The following RANBP2 variants were observed in gnomAD, a reference collection of about 807,000 sequenced individuals.
RANBP2 encodes RAN binding protein 2.
Under a neutral mutation model 303.6 loss-of-function variants are expected in RANBP2, and 57 were observed. The observed-to-expected ratio is 0.19, with a 90% CI of 0.15 to 0.23. The LOEUF (loss-of-function observed/expected upper bound fraction) is 0.23. Ranked by LOEUF, RANBP2 falls within the 10% of genes least tolerant of loss-of-function variation. The pLI, the probability that RANBP2 is intolerant of heterozygous loss-of-function variation, is 1.00. For missense variants in RANBP2, 3,138 were observed against 3,780.8 expected, an observed-to-expected ratio of 0.83 and a Z score of 4.46; for synonymous variants, 1,167 against 1,301.5, an observed-to-expected ratio of 0.90 and a Z score of 2.23.
chr2:109,527,100 A>T, the RANBP2 span, among the ~76,000 whole-genome samples: 1 of 152,188 alleles, frequency 6.6e-6, no homozygotes, highest in Non-Finnish European at 1.5e-5. Flanking sequence ...ATGACCCTAC[A>T]CACACACACG....
the RANBP2 span, among the ~76,000 whole-genome samples, chr2:109,304,440 G>A: frequency 0.32 from 48,046 of 151,704 alleles, 9,522 homozygotes; most frequent in African/African-American, 0.57. Context: ...TTAAGGCTGA[G>A]TTGCCCCACG....
chr2:108,992,741 G>T, the RANBP2 span, among the ~76,000 whole-genome samples: 1 of 152,184 alleles, frequency 6.6e-6, no homozygotes, highest in Non-Finnish European at 1.5e-5. Flanking sequence ...AATGATCACA[G>T]TTCTGTCTAT....
chr2:108,979,509 C>T, the RANBP2 span, among the ~76,000 whole-genome samples: 6 of 151,570 alleles, frequency 4.0e-5, no homozygotes, highest in East Asian at 3.9e-4. Context: ...ACGCATGGCA[C>T]ACCCCAGGAG....
chr2:109,405,521 T>C, the RANBP2 span, among the ~76,000 whole-genome samples: 1 of 152,246 alleles, frequency 6.6e-6, no homozygotes, highest in Non-Finnish European at 1.5e-5. Flanking sequence ...CTGGCCCTGG[T>C]CCATTTCTCC....
the RANBP2 span, among the ~76,000 whole-genome samples, chr2:108,963,219 C>T: frequency 1.4e-4 from 22 of 152,154 alleles, no homozygotes; most frequent in Non-Finnish European, 2.2e-4. Flanking sequence ...ATGATGTATT[C>T]TTATCTGAAA....
At chr2:109,531,761 G>A in the RANBP2 span, among the ~76,000 whole-genome samples, 130,669 of 151,936 alleles carry the variant, frequency 0.86, 56,743 homozygotes, top group East Asian at 0.95. Flanking sequence ...AAAGACATCA[G>A]TGCATAAATA....
rs948957560 is a variant in RANBP2, at chr2:108,748,814, A to T, written c.1064-106A>T. ...TATTTTTTGGGTTGGAGGGTTAGGT[A>T]TGCAGTAATCATGTTATTTCCCCTT... On this transcript the variant is annotated intron_variant, in intron 8 of 28. Coordinates refer to ENST00000283195, the MANE Select transcript of RANBP2 (RefSeq NM_006267.5). 8 of 1,605,360 alleles carry T rather than the reference A, an allele frequency of 5.0e-6. No individual in the cohort carries two copies. The Admixed American group carries it at 5.0e-5, about 10-fold the overall frequency.
chr2:109,072,391 A>G, the RANBP2 span, among the ~76,000 whole-genome samples: 1 of 152,302 alleles, frequency 6.6e-6, no homozygotes, highest in South Asian at 2.1e-4. Context: ...GCTTTCCTGC[A>G]TGGGCCCTCA....
chr2:109,267,786 G>A, the RANBP2 span, among the ~76,000 whole-genome samples: 3 of 152,242 alleles, frequency 2.0e-5, no homozygotes, highest in Non-Finnish European at 4.4e-5. Flanking sequence ...CCTGGAGCGA[G>A]GCCGAGTCAA....
At chr2:108,853,854 A>G in the RANBP2 span, among the ~76,000 whole-genome samples, 1 of 127,876 alleles carries the variant, frequency 7.8e-6, no homozygotes, top group African/African-American at 3.0e-5. Flanking sequence ...TATATATACT[A>G]TATATATAAT....
the RANBP2 span, among the ~76,000 whole-genome samples, chr2:109,225,058 C>T: frequency 2.0e-5 from 3 of 152,090 alleles, no homozygotes; most frequent in Admixed American, 6.5e-5. Flanking sequence ...AGCTTTTTGA[C>T]ACCTGGCCTG....
chr2:109,130,296 G>C, the RANBP2 span, among the ~76,000 whole-genome samples: 2 of 152,206 alleles, frequency 1.3e-5, no homozygotes, highest in African/African-American at 2.4e-5. Flanking sequence ...TGGGCAGCTC[G>C]CCGCTTGTTC....
the RANBP2 span, among the ~76,000 whole-genome samples, chr2:109,222,915 G>A: frequency 1.3e-5 from 2 of 152,272 alleles, no homozygotes; most frequent in Non-Finnish European, 2.9e-5. Context: ...GACTCAGCCA[G>A]CTGTGAGAGG....
At chr2:109,159,441 C>T in the RANBP2 span, among the ~76,000 whole-genome samples, 1 of 152,216 alleles carries the variant, frequency 6.6e-6, no homozygotes, top group Non-Finnish European at 1.5e-5. Flanking sequence ...AGGCCTCCTG[C>T]ATTACTGTGG....
chr2:109,298,204 A>T, the RANBP2 span, among the ~76,000 whole-genome samples: 1 of 152,236 alleles, frequency 6.6e-6, no homozygotes, highest in South Asian at 2.1e-4. Flanking sequence ...CACCAAATAG[A>T]TGCAGAGAAG....
At position 108,763,955 on chromosome 2, in the gene RANBP2, A is replaced by C. The variant is rs751281688; in HGVS notation, c.3416A>C (p.Lys1139Thr). ...ATGTTTACTTTCCATGGTCCAGGGA[A>C]ATCAGTATTTGGAACACCCACTTTA... ...DDMFTFHGPG[K>T]SVFGTPTLET... The change falls in exon 20 of 29, where the codon AAA (lysine) becomes ACA (threonine). Residue 1139 changes from lysine to threonine, a missense_variant. Transcript: ENST00000283195. The C allele has an allele frequency of 7.7e-5, 124 of 1,613,860 alleles. No individual in the cohort carries two copies. Among genetic ancestry groups the C allele is most frequent in the Non-Finnish European group, 1.0e-4 (119 of 1,179,972 alleles).
chr2:109,019,141 T>G, the RANBP2 span, among the ~76,000 whole-genome samples: 1 of 152,264 alleles, frequency 6.6e-6, no homozygotes, highest in Non-Finnish European at 1.5e-5. Context: ...GGTAATGCTG[T>G]GGCTGCACGC....
the RANBP2 span, among the ~76,000 whole-genome samples, chr2:109,512,192 T>C: frequency 2.0e-5 from 3 of 152,142 alleles, no homozygotes; most frequent in Non-Finnish European, 4.4e-5. Context: ...CCTGGGACCC[T>C]GGCCCTCCTC....
the RANBP2 span, among the ~76,000 whole-genome samples, chr2:109,459,865 T>C: frequency 6.6e-6 from 1 of 152,292 alleles, no homozygotes; most frequent in Middle Eastern, 3.4e-3. Context: ...GTGGTGCTTC[T>C]CCCATTTCTG....
Sources: allele counts gnomAD v4.1 joint callset (sites outside exome capture counted in the v4.1 genomes callset), GRCh38; gene constraint gnomAD v4.1.1; transcripts MANE v1.5; gene names NCBI Gene and HGNC (gene_info 2026-07-23, HGNC 2026-07-21).